DPEP2: variants seen among roughly 807,000 people sequenced by gnomAD.
DPEP2 encodes dipeptidase 2.
DPEP2 carries 45 observed loss-of-function variants against 51.8 expected under a neutral mutation model. That is an observed-to-expected ratio of 0.87 (90% CI 0.68 to 1.11). DPEP2 has a LOEUF of 1.11. Among genes scored for constraint, DPEP2 ranks in the 50% most tolerant of loss-of-function variants. The pLI is 0.00. For missense variants in DPEP2, 604 were observed against 631.9 expected (o/e 0.96, Z 0.47); for synonymous variants, 255 against 262.7 (o/e 0.97, Z 0.28).
At chr16:67,993,978 A>G (rs2032501677) in intron 1 of DPEP2, 11 of 985,412 alleles carry the variant, frequency 1.1e-5, no homozygotes, top group Non-Finnish European at 1.3e-5. Context: ...AGCCTTAGGA[A>G]AGAGCTCCTT....
chr16:67,987,683 G>T lies in DPEP2; in HGVS notation c.1284C>A (p.Ser428=). 1 of 1,614,174 alleles carries T rather than the reference G, an allele frequency of 6.2e-7. No homozygotes were observed. The highest frequency in any genetic ancestry group is 1.1e-5 in the South Asian group (1 of 91,090). ...PDEQLSSSCH[S]DLSRLRQRQS... is the part of the protein sequence containing the mutation. Reference sequence around the variant, plus strand: ...GTCTCTGACGCAGACGTGAGAGGTCGGAGTGGCAGGAACTGCTCAGCTGCT... The same window carrying T: ...GTCTCTGACGCAGACGTGAGAGGTCTGAGTGGCAGGAACTGCTCAGCTGCT... Residue 428 remains serine, a synonymous_variant, in exon 11 of 11, where the codon TCC becomes TCA. Transcript: ENST00000393847.
chr16:67,993,042 G>A lies in DPEP2; in HGVS notation c.171C>T (p.Thr57=). 1.3e-6 allele frequency: 2 copies of A among 1,584,334 alleles called. No individual in the cohort carries two copies. The highest frequency in any genetic ancestry group is 1.1e-5 in the South Asian group (1 of 87,374). ...GAPRAHTMPG[T]YAPSTTLSSP... Reference sequence around the variant, plus strand: ...TACTGAGTGTGGTCGAGGGAGCGTAGGTGCCCGGCATGGTGTGGGCTCTGG... The same window carrying A: ...TACTGAGTGTGGTCGAGGGAGCGTAAGTGCCCGGCATGGTGTGGGCTCTGG... Residue 57 remains threonine, a synonymous_variant, in exon 2 of 11, where the codon ACC becomes ACT. Transcript: ENST00000393847.
In DPEP2 at chr16:67,988,014, C is replaced by A. The variant is rs368011037; in HGVS notation, c.1071-27G>T. ...TGTGTGGCCACCAGCTAGTGGGTTTCAGACCTGATTCCCTGATCATGACTC... is the reference window on the plus strand; with the variant it reads ...TGTGTGGCCACCAGCTAGTGGGTTTAAGACCTGATTCCCTGATCATGACTC... On this transcript the variant is annotated intron_variant, in intron 9 of 10. Transcript: ENST00000393847. The A allele has an allele frequency of 1.9e-6, 3 of 1,613,814 alleles. No homozygotes were observed. The African/African-American group carries it at 4.0e-5, about 22-fold the overall frequency.
chr16:67,989,421 G>C (rs776653068), intron 8 of DPEP2, 23 bp from the exon 9 acceptor site: 5 of 1,613,768 alleles, frequency 3.1e-6, no homozygotes, highest in Non-Finnish European at 4.2e-6. Context: ...AAGGTGGACA[G>C]TCAGCTGCGT....
chr16:67,995,860 AG>A (rs1299935480), intron 1 of DPEP2, among the ~76,000 whole-genome samples: 1 of 151,938 alleles, frequency 6.6e-6, no homozygotes, highest in East Asian at 1.9e-4. Flanking sequence ...AATACCTGGG[AG>A]GCTGAGTTGG....
chr16:67,998,058 C>T (rs917550937), intron 1 of DPEP2, among the ~76,000 whole-genome samples: 5 of 152,226 alleles, frequency 3.3e-5, no homozygotes, highest in African/African-American at 1.2e-4. Context: ...TGCTGCCAGT[C>T]CTCACAGCCC....
At chr16:67,992,043 G>C (rs141244147) in intron 4 of DPEP2, 21 bp downstream of exon 4, 4 of 1,614,022 alleles carry the variant, frequency 2.5e-6, no homozygotes, top group Non-Finnish European at 3.4e-6. Flanking sequence ...AGTTCCTAAC[G>C]CTTCCCATCA....
upstream of DPEP2, among the ~76,000 whole-genome samples, chr16:68,000,273 G>A (rs2032945612): frequency 6.6e-6 from 1 of 152,174 alleles, no homozygotes; most frequent in South Asian, 2.1e-4. Context: ...GGAGGCAGCA[G>A]TAGAAACAGT....
chr16:67,988,390 C>CA (rs927871862), intron 9 of DPEP2, among the ~76,000 whole-genome samples: 3 of 132,704 alleles, frequency 2.3e-5, no homozygotes, highest in African/African-American at 8.4e-5. Context: ...ACTAAAAAGA[C>CA]AAAAAAGAAA....
chr16:68,000,322 C>T (rs972757899), upstream of DPEP2: 1 of 499,694 alleles, frequency 2.0e-6, no homozygotes, highest in Non-Finnish European at 2.6e-6. Context: ...GTGCAGCTCA[C>T]TCGCCCCTAC....
At chr16:67,999,532 G>T, upstream of DPEP2, 1 of 985,756 alleles carries the variant, frequency 1.0e-6, no homozygotes, top group South Asian at 4.7e-5. Flanking sequence ...TTTGGGTGAG[G>T]TTAGGGGGAG....
In DPEP2 at chr16:67,989,346, A is replaced by T. The variant is rs771219093; in HGVS notation, c.1047T>A (p.Gly349=). ...AVIGSKFIGI[G]GDYDGAGKFP... ...ACTTGCCGGCCCCATCATAATCTCC[A>T]CCAATCCCGATGAACTTGGATCCAA... Residue 349 remains glycine, a synonymous_variant, in exon 9 of 11, where the codon GGT becomes GGA. Transcript: ENST00000393847. 48 of 1,613,910 alleles carry T rather than the reference A, an allele frequency of 3.0e-5. No individual in the cohort carries two copies. The highest frequency in any genetic ancestry group is 3.6e-5 in the Non-Finnish European group (43 of 1,179,986).
chr16:67,988,187 T>C, intron 9 of DPEP2, 200 bp from the exon 10 acceptor site: 1 of 618,562 alleles, frequency 1.6e-6, no homozygotes, highest in South Asian at 2.1e-5. Flanking sequence ...ACTTATTGAA[T>C]CATACTATTA....
intron 1 of DPEP2, among the ~76,000 whole-genome samples, chr16:67,996,411 AGGGCAATGATGTGATCTTGGC>A (rs1161348814): frequency 5.9e-5 from 9 of 151,308 alleles, no homozygotes; most frequent in Non-Finnish European, 7.4e-5. Context: ...CCCAGGCTGG[AGGGCAATGATGTGATCTTGGC>A]GGGCAATGAT....
In DPEP2 at chr16:67,993,110, T is replaced by A. The variant is rs149049423; in HGVS notation, c.103A>T (p.Thr35Ser). Residue 35 changes from threonine to serine, a missense_variant, in exon 2 of 11, where the codon ACC (threonine) becomes TCC (serine). Coordinates refer to ENST00000393847, the MANE Select transcript of DPEP2 (RefSeq NM_022355.4). ...AGGGCTCTGGGGGGGCCTGGCGTGGTGTAGGCACAGGTTACAGGCTGGAGC... is the reference window on the plus strand; with the variant it reads ...AGGGCTCTGGGGGGGCCTGGCGTGGAGTAGGCACAGGTTACAGGCTGGAGC... Reference protein sequence around the residue: ...LLLQPVTCAYTTPGPPRALTT... With the variant: ...LLLQPVTCAYSTPGPPRALTT... 9.5e-5 allele frequency: 148 copies of A among 1,564,126 alleles called. 2 individuals are homozygous for A. The African/African-American group carries it at 1.8e-3, about 19-fold the overall frequency.
At chr16:67,997,794 A>G (rs924769460) in intron 1 of DPEP2, among the ~76,000 whole-genome samples, 1 of 152,182 alleles carries the variant, frequency 6.6e-6, no homozygotes, top group African/African-American at 2.4e-5. Context: ...CATTCCTGGG[A>G]CATGTTTGGA....
At position 67,993,991 on chromosome 16, in the gene DPEP2, T is replaced by TA. The variant is rs1427852613; in HGVS notation, c.-45-735dup. The TA allele has an allele frequency of 4.1e-6, 4 of 984,480 alleles. No homozygotes were observed. In the African/African-American group the frequency reaches 7.0e-5, roughly 17 times the overall value. The allele number at this position is 984,480 out of a possible 1,614,324, so 61.0% of individuals were successfully genotyped here. On this transcript the variant is annotated intron_variant, in intron 1 of 10. Coordinates refer to ENST00000393847, the MANE Select transcript of DPEP2 (RefSeq NM_022355.4). ...TCAGCCTTAGGAAAGAGCTCCTTCC[T>TA]AAGGAGCTGCCACACCTCCCCAGGA...
At position 67,991,208 on chromosome 16, in the gene DPEP2, C is replaced by A. The variant is rs1389452787; in HGVS notation, c.663-24G>T. 2 of 1,611,684 alleles carry A rather than the reference C, an allele frequency of 1.2e-6. No homozygotes were observed. The highest frequency in any genetic ancestry group is 1.7e-6 in the Non-Finnish European group (2 of 1,179,642). Reference sequence around the variant, plus strand: ...CCCTGCAGGGTGGCCAGGAAGCAGTCTGACTGGTAGCTGTTCCTCGGCCTC... The same window carrying A: ...CCCTGCAGGGTGGCCAGGAAGCAGTATGACTGGTAGCTGTTCCTCGGCCTC... On this transcript the variant is annotated intron_variant, in intron 5 of 10. Coordinates refer to ENST00000393847, the MANE Select transcript of DPEP2 (RefSeq NM_022355.4). This position sits in a 1 kb window ranked among gnomAD's most constrained non-coding sequence, Gnocchi z 5.1.
At chr16:67,998,749 T>TATCTA (rs1367726096) in intron 1 of DPEP2, among the ~76,000 whole-genome samples, 2 of 152,228 alleles carry the variant, frequency 1.3e-5, no homozygotes, top group African/African-American at 4.8e-5. Flanking sequence ...CGGCACTCAG[T>TATCTA]ATCTAGCTCA....
Sources: allele counts gnomAD v4.1 joint callset (sites outside exome capture counted in the v4.1 genomes callset), GRCh38; gene constraint gnomAD v4.1.1; non-coding constraint Gnocchi (gnomAD v3.1); transcripts MANE v1.5; gene names NCBI Gene and HGNC (gene_info 2026-07-23, HGNC 2026-07-21).